Variants in DOCK8 observed in about 807,000 individuals in gnomAD.
DOCK8 encodes dedicator of cytokinesis 8.
Under a neutral mutation model 245.6 loss-of-function variants are expected in DOCK8, and 141 were observed. That is an observed-to-expected ratio of 0.57 (90% CI 0.50 to 0.66). The LOEUF is 0.66. Ranked by LOEUF, DOCK8 falls within the 30% of genes least tolerant of loss-of-function variation. DOCK8 has a pLI of 0.00. For missense variants in DOCK8, 2,965 were observed against 2,603.4 expected (o/e 1.14, Z -3.02); for synonymous variants, 1,168 against 970.2 (o/e 1.20, Z -3.79).
intron 3 of DOCK8, among the ~76,000 whole-genome samples, chr9:288,168 T>A (rs1234906555): frequency 2.6e-5 from 4 of 152,190 alleles, no homozygotes; most frequent in African/African-American, 9.7e-5. Flanking sequence ...ACCTGTCTGA[T>A]GTCTTTAAGA....
intron 1 of DOCK8, among the ~76,000 whole-genome samples, chr9:258,727 A>G (rs1245253383): frequency 6.7e-6 from 1 of 150,092 alleles, no homozygotes; most frequent in Non-Finnish European, 1.5e-5. Context: ...CCTCCCGAGT[A>G]TCTGGGATTA....
intron 7 of DOCK8, among the ~76,000 whole-genome samples, chr9:322,579 T>TGTAGA (rs111394024): frequency 0.071 from 10,831 of 151,954 alleles, 497 homozygotes; most frequent in African/African-American, 0.12. Context: ...GCTGTAGTTG[T>TGTAGA]GTAAAGAGAC....
intron 1 of DOCK8, 81 bp downstream of exon 1, chr9:215,110 A>C: frequency 6.7e-7 from 1 of 1,503,216 alleles, no homozygotes; most frequent in East Asian, 2.7e-5. Flanking sequence ...GCAGGGGCCG[A>C]GGCCGGACGA....
rs182264679 is a variant in DOCK8 at position 256,865 on chromosome 9, C to T, written c.54-14762C>T. On this transcript the variant is annotated intron_variant, in intron 1 of 47. Coordinates refer to ENST00000432829, the MANE Select transcript of DOCK8 (RefSeq NM_203447.4). ...GTATCCCCAGAACTTTGAGCAAGTG[C>T]ACACTCGATGAATACTTGAAAGAAT... Among the ~76,000 whole-genome samples, 282 of 151,894 alleles carry T rather than the reference C, an allele frequency of 1.9e-3. 2 individuals are homozygous for T. Among genetic ancestry groups the T allele is most frequent in the Non-Finnish European group, 1.4e-3 (97 of 68,026 alleles).
chr9:432,776 G>C (rs539625337), intron 37 of DOCK8, among the ~76,000 whole-genome samples: 1 of 152,172 alleles, frequency 6.6e-6, no homozygotes, highest in Non-Finnish European at 1.5e-5. Context: ...ACAATGAATT[G>C]TTTGTATCTG....
At chr9:264,928 T>G (rs2048002673) in intron 1 of DOCK8, among the ~76,000 whole-genome samples, 1 of 152,102 alleles carries the variant, frequency 6.6e-6, no homozygotes, top group Admixed American at 6.5e-5. Context: ...AAACCTTGAT[T>G]TTTATTTATT....
chr9:246,425 G>C (rs1210099935), intron 1 of DOCK8, among the ~76,000 whole-genome samples: 7 of 152,126 alleles, frequency 4.6e-5, no homozygotes, highest in African/African-American at 1.7e-4. Flanking sequence ...ACCTACTAGA[G>C]AGGCTAAGGC....
At chr9:405,670 C>T (rs2055382205) in intron 27 of DOCK8, among the ~76,000 whole-genome samples, 1 of 152,104 alleles carries the variant, frequency 6.6e-6, no homozygotes, top group African/African-American at 2.4e-5. Context: ...ATAGGGAACA[C>T]ATCAGTAGCT....
intron 1 of DOCK8, among the ~76,000 whole-genome samples, chr9:230,349 T>C (rs866017557): frequency 2.1e-4 from 32 of 152,270 alleles, no homozygotes; most frequent in Admixed American, 4.6e-4. Flanking sequence ...TGAATAGTGC[T>C]GCTATAAACA....
At chr9:326,682 C>T (rs2130814536) in intron 8 of DOCK8, among the ~76,000 whole-genome samples, 1 of 152,204 alleles carries the variant, frequency 6.6e-6, no homozygotes, top group East Asian at 1.9e-4. Context: ...TCCACGCAGC[C>T]ACTCAGAAAT....
At chr9:434,115 C>T (rs1459739670) in intron 38 of DOCK8, 140 bp downstream of exon 38, 2 of 692,768 alleles carry the variant, frequency 2.9e-6, no homozygotes, top group African/African-American at 3.5e-5. Context: ...AGAAATTAAA[C>T]ATTCAGAGTA....
intron 1 of DOCK8, among the ~76,000 whole-genome samples, chr9:246,494 G>A (rs1433342494): frequency 6.7e-6 from 1 of 148,716 alleles, no homozygotes. Context: ...CAGTCTGGGT[G>A]ACAGAGTGAG....
intron 45 of DOCK8, 32 bp downstream of exon 45, chr9:449,959 G>T (rs933071212): frequency 8.1e-6 from 13 of 1,612,154 alleles, no homozygotes; most frequent in African/African-American, 1.3e-5. Context: ...AGCTCCTCTG[G>T]TTCTTATTAT....
Position 241,537 on chromosome 9 carries a change from C to G in DOCK8, c.53+26508C>G, listed in dbSNP as rs548903974. Among the ~76,000 whole-genome samples the G allele has an allele frequency of 1.4e-3, 215 of 152,270 alleles. 2 individuals carry two copies. The highest frequency in any genetic ancestry group is 5.1e-3 in the African/African-American group (211 of 41,554). ...TGGTGTAATGTCCTCCATTTCCATC[C>G]ATATTGCTGCAAATAACAGGATTTC... On this transcript the variant is annotated intron_variant, in intron 1 of 47. Transcript: ENST00000432829.
At chr9:384,126 A>G (rs1271380852) in intron 22 of DOCK8, among the ~76,000 whole-genome samples, 1 of 152,120 alleles carries the variant, frequency 6.6e-6, no homozygotes, top group Non-Finnish European at 1.5e-5. Context: ...TTTGTTCTTC[A>G]TGACCTTGAC....
At chr9:269,306 AC>A (rs1165499686) in intron 1 of DOCK8, among the ~76,000 whole-genome samples, 2 of 152,138 alleles carry the variant, frequency 1.3e-5, no homozygotes, top group Non-Finnish European at 2.9e-5. Context: ...GAATCATAGA[AC>A]ATGTGGTCTT....
In DOCK8 at chr9:400,949, A is replaced by ACCACCACCT. The variant is rs1554692463; in HGVS notation, c.3234+1698_3234+1699insTCCACCACC. Among the ~76,000 whole-genome samples the ACCACCACCT allele has an allele frequency of 1.2e-4, 14 of 113,458 alleles. 1 individual carries two copies. The highest frequency in any genetic ancestry group is 5.0e-3 in the Middle Eastern group (1 of 202). The allele number at this position is 113,458 out of a possible 152,430, so 74.4% of individuals were successfully genotyped here. A position where few individuals can be genotyped will look rare whatever the true frequency, so the allele number is the denominator to read the frequency against. ...CACCACAACATCCACCACCACCATC[A>ACCACCACCT]CCACCACCACCACCACCTCCTCCAC... On this transcript the variant is annotated intron_variant, in intron 26 of 47. Transcript: ENST00000432829.
rs1219439848 is a variant in DOCK8 at position 215,019 on chromosome 9, A to C, written c.43A>C (p.Lys15Gln). 7.5e-6 allele frequency: 12 copies of C among 1,590,140 alleles called. No homozygotes were observed. The highest frequency in any genetic ancestry group is 1.0e-5 in the Non-Finnish European group (12 of 1,174,080). ...CGCAGAGCGCCGCGCGTTCGCGCTC[A>C]AGATCAACAGGTAAGACGCCCCCCG... Reference protein sequence around the residue: ...PSAERRAFALKINRYSSAEIR... With the variant: ...PSAERRAFALQINRYSSAEIR... The change falls in exon 1 of 48, where the codon AAG becomes CAG. Residue 15 changes from lysine (K) to glutamine (Q), a missense_variant. Lys to Gln is a moderately conservative substitution (Grantham distance 53, BLOSUM62 1). Coordinates refer to ENST00000432829, the MANE Select transcript of DOCK8 (RefSeq NM_203447.4).
chr9:349,033 G>A, intron 14 of DOCK8, among the ~76,000 whole-genome samples: 1 of 152,278 alleles, frequency 6.6e-6, no homozygotes, highest in East Asian at 1.9e-4. Flanking sequence ...GCAGAAGTCG[G>A]GAATCGTCTT....
Sources: gnomAD v4.1 joint callset for allele counts (sites outside exome capture counted in the v4.1 genomes callset) on GRCh38, gnomAD v4.1.1 for gene constraint, MANE v1.5 for transcripts, NCBI Gene and HGNC (gene_info 2026-07-23, HGNC 2026-07-21) for gene names.